The following OR2L3 variants were observed in gnomAD, a reference collection of about 807,000 sequenced individuals.
The protein encoded by OR2L3 is olfactory receptor family 2 subfamily L member 3.
For missense variants in OR2L3, 369 were observed against 376.6 expected (o/e 0.98, Z 0.17); for synonymous variants, 131 against 139.1 (o/e 0.94, Z 0.41).
chr1:248,061,802 CT>C lies in OR2L3; in HGVS notation c.*188del, dbSNP rs1663655465. The C allele has an allele frequency of 2.2e-6, 1 of 457,090 alleles. No homozygotes were observed. Among genetic ancestry groups the C allele is most frequent in the Admixed American group, 3.8e-5 (1 of 26,050 alleles). 28.3% of individuals were successfully genotyped at this position (457,090 alleles called of 1,614,324 possible). On this transcript the variant is annotated 3_prime_UTR_variant, in exon 2 of 2. Transcript: ENST00000359959. ...ATATGTATATATAACTCCAAACAAC[CT>C]TTTTTCTTCATGGCATTGTTTCCAT...
intron 1 of OR2L3, among the ~76,000 whole-genome samples, chr1:248,057,497 TC>T (rs1663471475): frequency 6.6e-6 from 1 of 152,232 alleles, no homozygotes; most frequent in East Asian, 1.9e-4. Flanking sequence ...GGTAAATTTT[TC>T]TCTATTCCTT....
At chr1:248,052,777 T>C (rs909420185) in intron 1 of OR2L3, among the ~76,000 whole-genome samples, 10 of 152,150 alleles carry the variant, frequency 6.6e-5, no homozygotes, top group African/African-American at 2.4e-4. Flanking sequence ...ATTTTGTTCT[T>C]TTTCCAAAAA....
chr1:248,061,244 G>T lies in OR2L3; in HGVS notation c.563G>T (p.Cys188Phe). 1.9e-6 allele frequency: 3 copies of T among 1,610,994 alleles called. No homozygotes were observed. Among genetic ancestry groups the T allele is most frequent in the Non-Finnish European group, 2.5e-6 (3 of 1,179,310 alleles). The part of the protein sequence containing the change: ...CDVPAMVTLA[C>F]MDTWVYEGTV... ...GTCCCAGCAATGGTGACTCTGGCCTGCATGGACACCTGGGTCTATGAGGGC... is the reference window on the plus strand; with the variant it reads ...GTCCCAGCAATGGTGACTCTGGCCTTCATGGACACCTGGGTCTATGAGGGC... The change falls in exon 2 of 2, where the codon TGC becomes TTC. Residue 188 changes from cysteine (C) to phenylalanine (F), a missense_variant. Cys to Phe is a radical substitution (Grantham distance 205, BLOSUM62 -2). Transcript: ENST00000359959.
chr1:248,060,810 C>G lies in OR2L3; in HGVS notation c.129C>G (p.Ser43=). The change falls in exon 2 of 2, where the codon TCC becomes TCG. Residue 43 remains serine, a synonymous_variant. Transcript: ENST00000359959. ...TAATGGCTCTAATTGGAAACCTATC[C>G]ATGATTCTTCTCATCTTCTTGGACA... is the stretch of plus-strand genomic sequence containing the variant. The part of the protein sequence containing the change: ...IFLMALIGNL[S]MILLIFLDTH... The G allele has an allele frequency of 6.2e-7, 1 of 1,614,040 alleles. No homozygotes were observed. The highest frequency in any genetic ancestry group is 8.5e-7 in the Non-Finnish European group (1 of 1,179,948).
At chr1:248,058,343 G>T (rs939450912) in intron 1 of OR2L3, among the ~76,000 whole-genome samples, 1 of 152,018 alleles carries the variant, frequency 6.6e-6, no homozygotes, top group Non-Finnish European at 1.5e-5. Flanking sequence ...CTTGATCCAT[G>T]ATACAGACCC....
intron 1 of OR2L3, among the ~76,000 whole-genome samples, chr1:248,052,779 T>G (rs1361882362): frequency 1.3e-5 from 2 of 152,036 alleles, no homozygotes; most frequent in Admixed American, 6.6e-5. Flanking sequence ...TTTGTTCTTT[T>G]TCCAAAAAAG....
intron 1 of OR2L3, among the ~76,000 whole-genome samples, chr1:248,048,369 GT>G (rs1663147832): frequency 6.6e-6 from 1 of 152,150 alleles, no homozygotes; most frequent in South Asian, 2.1e-4. Context: ...TCCTAAGTCA[GT>G]CAAATACAAC....
chr1:248,048,443 C>A (rs909817576), intron 1 of OR2L3, among the ~76,000 whole-genome samples: 5 of 152,160 alleles, frequency 3.3e-5, no homozygotes, highest in African/African-American at 1.2e-4. Context: ...AAGGAGGAAT[C>A]TCCTGTAGGA....
rs1663618030 is a variant in OR2L3, at chr1:248,061,142, A to C, written c.461A>C (p.Asn154Thr). 1 of 1,613,424 alleles carries C rather than the reference A, an allele frequency of 6.2e-7. No homozygotes were observed. Among genetic ancestry groups the C allele is most frequent in the Non-Finnish European group, 8.5e-7 (1 of 1,179,752 alleles). Reference sequence around the variant, plus strand: ...GGGTCTTGGATCATAGGCTCGATCAATGCTTGTGCTCACACTGTATATGTA... The same window carrying C: ...GGGTCTTGGATCATAGGCTCGATCACTGCTTGTGCTCACACTGTATATGTA... ...ITGSWIIGSINACAHTVYVLH... is the reference protein window; with the variant it reads ...ITGSWIIGSITACAHTVYVLH... The change falls in exon 2 of 2, where the codon AAT (asparagine) becomes ACT (threonine). Residue 154 changes from asparagine to threonine, a missense_variant. Coordinates refer to ENST00000359959, the MANE Select transcript of OR2L3 (RefSeq NM_001004687.2).
chr1:248,052,681 A>G (rs1270107421), intron 1 of OR2L3, among the ~76,000 whole-genome samples: 1 of 152,102 alleles, frequency 6.6e-6, no homozygotes, highest in East Asian at 1.9e-4. Flanking sequence ...TAGTCACCTG[A>G]GATGGTGCCA....
chr1:248,060,588 AG>A (rs1270076905), intron 1 of OR2L3, 72 bp from the exon 2 acceptor site: 2 of 942,278 alleles, frequency 2.1e-6, no homozygotes, highest in Non-Finnish European at 3.3e-6. Context: ...GAATTTACTG[AG>A]GGGCTTCAAA....
intron 1 of OR2L3, chr1:248,051,138 T>A (rs1663249951): frequency 6.6e-6 from 1 of 152,154 alleles, no homozygotes; most frequent in Admixed American, 6.5e-5. Context: ...ACTAACACTT[T>A]GTTTTTGTTA....
chr1:248,052,088 A>AT, intron 1 of OR2L3, among the ~76,000 whole-genome samples: 1 of 152,200 alleles, frequency 6.6e-6, no homozygotes, highest in East Asian at 1.9e-4. Flanking sequence ...GCAAGTTGAG[A>AT]AGCAGCTGTA....
chr1:248,061,783 A>G lies in OR2L3; in HGVS notation c.*163A>G. 1 of 555,660 alleles carries G rather than the reference A, an allele frequency of 1.8e-6. No homozygotes were observed. The highest frequency in any genetic ancestry group is 2.9e-6 in the Non-Finnish European group (1 of 341,500). The allele number at this position is 555,660 out of a possible 1,614,324, so 34.4% of individuals were successfully genotyped here. Reference sequence around the variant, plus strand: ...ACAAAATTGTTTTACATATATATGTATATATAACTCCAAACAACCTTTTTT... The same window carrying G: ...ACAAAATTGTTTTACATATATATGTGTATATAACTCCAAACAACCTTTTTT... On this transcript the variant is annotated 3_prime_UTR_variant, in exon 2 of 2. Coordinates refer to ENST00000359959, the MANE Select transcript of OR2L3 (RefSeq NM_001004687.2).
At chr1:248,058,673 CACTT>C (rs142079357) in intron 1 of OR2L3, among the ~76,000 whole-genome samples, 14,240 of 151,870 alleles carry the variant, frequency 0.094, 711 homozygotes, top group East Asian at 0.16. Context: ...AAGTATTTCT[CACTT>C]ATTTTTGTGA....
intron 1 of OR2L3, 57 bp from the exon 2 acceptor site, chr1:248,060,604 T>C (rs1335920432): frequency 3.5e-6 from 4 of 1,148,424 alleles, no homozygotes; most frequent in Non-Finnish European, 3.8e-6. Context: ...TTCAAATGCA[T>C]TCCCTGCAGA....
intron 1 of OR2L3, among the ~76,000 whole-genome samples, chr1:248,058,347 C>G (rs941016908): frequency 5.9e-5 from 9 of 152,126 alleles, no homozygotes; most frequent in Non-Finnish European, 8.8e-5. Context: ...ATCCATGATA[C>G]AGACCCCCAT....
In OR2L3 at chr1:248,061,064, C is replaced by T. The variant is rs926873277; in HGVS notation, c.383C>T (p.Pro128Leu). ...AYDRYIAICF[P>L]LHYPIRMSKR... ...GATCGTTACATTGCTATTTGCTTTC[C>T]TCTTCACTATCCCATCCGCATGAGC... The change falls in exon 2 of 2, where the codon CCT (proline) becomes CTT (leucine). Residue 128 changes from proline (P) to leucine (L), a missense_variant. Physicochemically the swap from Pro to Leu is moderately conservative, Grantham distance 98 (BLOSUM62 -3). Transcript: ENST00000359959. 2.5e-6 allele frequency: 4 copies of T among 1,614,120 alleles called. No individual in the cohort carries two copies. The highest frequency in any genetic ancestry group is 1.7e-5 in the Admixed American group (1 of 60,016).
At position 248,061,217 on chromosome 1, in the gene OR2L3, A is replaced by T. The variant is rs1663623574; in HGVS notation, c.536A>T (p.Asp179Val). 1.2e-6 allele frequency: 2 copies of T among 1,611,564 alleles called. No individual in the cohort carries two copies. Among genetic ancestry groups the T allele is most frequent in the Non-Finnish European group, 1.7e-6 (2 of 1,179,514 alleles). ...AGGGCCATCAATCATTTCTTCTGTG[A>T]TGTCCCAGCAATGGTGACTCTGGCC... Reference protein sequence around the residue: ...QSRAINHFFCDVPAMVTLACM... With the variant: ...QSRAINHFFCVVPAMVTLACM... The change falls in exon 2 of 2, where the codon GAT (aspartate) becomes GTT (valine). Residue 179 changes from aspartate (D) to valine (V), a missense_variant. Coordinates refer to ENST00000359959, the MANE Select transcript of OR2L3 (RefSeq NM_001004687.2).
Sources: gnomAD v4.1 joint callset for allele counts (sites outside exome capture counted in the v4.1 genomes callset) on GRCh38, gnomAD v4.1.1 for gene constraint, MANE v1.5 for transcripts, NCBI Gene and HGNC (gene_info 2026-07-23, HGNC 2026-07-21) for gene names.